GLIS3: variants seen among roughly 807,000 people sequenced by gnomAD.
GLIS3 encodes the protein GLIS family zinc finger 3.
In GLIS3, 53 loss-of-function variants were observed where a neutral mutation model predicts 78.6. That is an observed-to-expected ratio of 0.67 (90% CI 0.54 to 0.85). GLIS3 has a LOEUF of 0.85. GLIS3 is among the 40% of genes least tolerant of loss of function. The pLI is 0.00. For synonymous variants in GLIS3, 684 were observed against 509.9 expected, an observed-to-expected ratio of 1.34 and a Z score of -4.60; for missense variants, 1,703 against 1,231.1, an observed-to-expected ratio of 1.38 and a Z score of -5.74.
rs1199655613 is a variant in GLIS3, at chr9:3,971,098, CGAAG to C, written c.1711-33913_1711-33910del. Among the ~76,000 whole-genome samples, 258 of 44,908 alleles carry C rather than the reference CGAAG, an allele frequency of 5.7e-3. 1 individual carries two copies. The highest frequency in any genetic ancestry group is 0.019 in the African/African-American group (248 of 13,212). The allele number at this position is 44,908 out of a possible 152,430, so 29.5% of individuals were successfully genotyped here. On this transcript the variant is annotated intron_variant, in intron 4 of 10. Coordinates refer to ENST00000381971, the MANE Select transcript of GLIS3 (RefSeq NM_001042413.2). ...TTGAAGGAAGGAAGGAAGGATAGAT[CGAAG>C]GAAGGAAGGAAGGATCGAAGGAAGG... is the stretch of plus-strand genomic sequence containing the variant.
chr9:3,841,421 T>C (rs1818707076), intron 9 of GLIS3, among the ~76,000 whole-genome samples: 1 of 152,176 alleles, frequency 6.6e-6, no homozygotes, highest in African/African-American at 2.4e-5. Flanking sequence ...GAGGGAACTC[T>C]AGCCTCTCTG....
chr9:3,879,333 A>G, intron 8 of GLIS3, 94 bp downstream of exon 8: 1 of 1,242,228 alleles, frequency 8.1e-7, no homozygotes, highest in East Asian at 2.3e-5. Context: ...CCACCAACGG[A>G]TTATTAATAA....
chr9:4,015,888 C>CAAAAAA (rs1049791263), intron 4 of GLIS3, among the ~76,000 whole-genome samples: 10 of 32,246 alleles, frequency 3.1e-4, no homozygotes, highest in Non-Finnish European at 5.6e-4. Flanking sequence ...GACTCTGTCT[C>CAAAAAA]AAAAAAAAAA....
chr9:3,861,482 C>T (rs115589579), intron 8 of GLIS3, among the ~76,000 whole-genome samples: 83 of 152,178 alleles, frequency 5.5e-4, no homozygotes, highest in African/African-American at 1.9e-3. Flanking sequence ...AAGATACATG[C>T]ATGTGTACGT....
chr9:4,395,180 T>C, the GLIS3 span, among the ~76,000 whole-genome samples: 6 of 152,222 alleles, frequency 3.9e-5, no homozygotes, highest in Non-Finnish European at 4.4e-5. Context: ...CCCATGAATT[T>C]AAGTCTTAGT....
chr9:4,388,653 G>C, the GLIS3 span, among the ~76,000 whole-genome samples: 2 of 152,064 alleles, frequency 1.3e-5, no homozygotes, highest in African/African-American at 4.8e-5. Context: ...TCCAGCTTGG[G>C]TGACAGAGCG....
At chr9:4,180,669 T>C (rs1817236067) in intron 2 of GLIS3, among the ~76,000 whole-genome samples, 1 of 152,168 alleles carries the variant, frequency 6.6e-6, no homozygotes, top group Admixed American at 6.5e-5. Flanking sequence ...TAGCATAAAA[T>C]CCTTCTATCT....
chr9:3,970,561 G>C (rs917501910), intron 4 of GLIS3, among the ~76,000 whole-genome samples: 11 of 152,048 alleles, frequency 7.2e-5, no homozygotes, highest in African/African-American at 2.4e-4. Flanking sequence ...CCCTGAACAA[G>C]GCCCAGGATG....
chr9:4,473,121 C>T, the GLIS3 span, among the ~76,000 whole-genome samples: 27 of 152,050 alleles, frequency 1.8e-4, no homozygotes, highest in Non-Finnish European at 2.9e-4. Flanking sequence ...CCAGTTATTG[C>T]AGCACTATTC....
Position 4,118,500 on chromosome 9 carries a change from G to A in GLIS3, c.978C>T (p.Ser326=). 5 of 1,614,230 alleles carry A rather than the reference G, an allele frequency of 3.1e-6. No homozygotes were observed. Among genetic ancestry groups the A allele is most frequent in the Non-Finnish European group, 3.4e-6 (4 of 1,180,030 alleles). The part of the protein sequence containing the change: ...FNTIIRTSPT[S]LVAYINGSRA... ...TCGACCCGTTGATGTAGGCCACCAA[G>A]GACGTGGGCGACGTGCGGATGATGG... The change falls in exon 4 of 11, where the codon TCC becomes TCT. Residue 326 remains serine (S), a synonymous_variant. Coordinates refer to ENST00000381971, the MANE Select transcript of GLIS3 (RefSeq NM_001042413.2). This position sits in a 1 kb window ranked among gnomAD's most constrained non-coding sequence, Gnocchi z 4.7.
the GLIS3 span, among the ~76,000 whole-genome samples, chr9:4,399,976 T>C: frequency 6.6e-6 from 1 of 151,218 alleles, no homozygotes; most frequent in Non-Finnish European, 1.5e-5. Flanking sequence ...GAGGTGGGAG[T>C]GGGAGTGGGA....
Position 4,251,922 on chromosome 9 carries a change from T to A in GLIS3, c.388+34116A>T, listed in dbSNP as rs200947294. Among the ~76,000 whole-genome samples, 10 of 152,208 alleles carry A rather than the reference T, an allele frequency of 6.6e-5. No individual in the cohort carries two copies. In the South Asian group the frequency reaches 2.1e-3, roughly 31 times the overall value. ...GAAAATTCTTTCCTTTAAGAATGTTTAATATTGGCCCCCACTCTCTTCTGG... is the reference window on the plus strand; with the variant it reads ...GAAAATTCTTTCCTTTAAGAATGTTAAATATTGGCCCCCACTCTCTTCTGG... On this transcript the variant is annotated intron_variant, in intron 2 of 10. Transcript: ENST00000381971.
the GLIS3 span, among the ~76,000 whole-genome samples, chr9:4,480,676 G>A: frequency 6.6e-6 from 1 of 151,800 alleles, no homozygotes; most frequent in Non-Finnish European, 1.5e-5. Flanking sequence ...GCCTACCGGG[G>A]CAAAAAGCAT....
Position 4,125,833 on chromosome 9 carries a change from G to A in GLIS3, c.497C>T (p.Pro166Leu), listed in dbSNP as rs1832534202. The A allele has an allele frequency of 6.2e-7, 1 of 1,614,092 alleles. No individual in the cohort carries two copies. Among genetic ancestry groups the A allele is most frequent in the Non-Finnish European group, 8.5e-7 (1 of 1,179,980 alleles). The change falls in exon 3 of 11, where the codon CCT (proline) becomes CTT (leucine). Residue 166 changes from proline to leucine, a missense_variant. Coordinates refer to ENST00000381971, the MANE Select transcript of GLIS3 (RefSeq NM_001042413.2). ...TGCTGTAGAGACCTGGCTTGCTGGA[G>A]GTGAAATGAGTCCCAGTCGCTGAAC... ...MMVQRLGLISPPASQVSTACN... is the reference protein window; with the variant it reads ...MMVQRLGLISLPASQVSTACN...
chr9:4,163,262 ACACACACG>A (rs1248957591), intron 2 of GLIS3, among the ~76,000 whole-genome samples: 6 of 103,414 alleles, frequency 5.8e-5, no homozygotes, highest in Non-Finnish European at 1.4e-4. Context: ...ACACACACAC[ACACACACG>A]CGCACGCGCG....
At chr9:4,013,118 G>T (rs1342158096) in intron 4 of GLIS3, among the ~76,000 whole-genome samples, 1 of 152,086 alleles carries the variant, frequency 6.6e-6, no homozygotes, top group Admixed American at 6.5e-5. Context: ...TCAGCTCTCT[G>T]TGACAGTGTA....
At position 3,992,464 on chromosome 9, in the gene GLIS3, A is replaced by C. The variant is rs527638375; in HGVS notation, c.1711-55275T>G. Among the ~76,000 whole-genome samples the C allele has an allele frequency of 1.6e-4, 24 of 152,342 alleles. No homozygotes were observed. In the South Asian group the frequency reaches 4.6e-3, roughly 29 times the overall value. On this transcript the variant is annotated intron_variant, in intron 4 of 10. Coordinates refer to ENST00000381971, the MANE Select transcript of GLIS3 (RefSeq NM_001042413.2). ...AAAAACTGCATTTCCCTTCCTCCTC[A>C]TGCATAAACAGTGAATGCACACAGG...
chr9:4,105,663 A>C (rs1236752742), intron 4 of GLIS3, among the ~76,000 whole-genome samples: 1 of 152,150 alleles, frequency 6.6e-6, no homozygotes, highest in Admixed American at 6.5e-5. Flanking sequence ...GAAGTTCTGA[A>C]TTCTTGAAAA....
intron 2 of GLIS3, among the ~76,000 whole-genome samples, chr9:4,273,505 A>G: frequency 6.6e-6 from 1 of 152,110 alleles, no homozygotes; most frequent in South Asian, 2.1e-4. Context: ...AGGTGGAATC[A>G]TCACTTGAGC....
Sources: allele counts gnomAD v4.1 joint callset (sites outside exome capture counted in the v4.1 genomes callset), GRCh38; gene constraint gnomAD v4.1.1; non-coding constraint Gnocchi (gnomAD v3.1); transcripts MANE v1.5; gene names NCBI Gene and HGNC (gene_info 2026-07-23, HGNC 2026-07-21).